CCDC178: variants seen among roughly 807,000 people sequenced by gnomAD.
CCDC178 encodes coiled-coil domain containing 178.
A neutral mutation model predicts 117.4 loss-of-function variants in CCDC178; 126 were observed. The observed-to-expected ratio is 1.07, with a 90% confidence interval of 0.93 to 1.24. The LOEUF is 1.24. CCDC178 is among the 50% of genes most tolerant of loss of function. The probability of loss-of-function intolerance (pLI) is 0.00; values close to 1 mark genes in which losing one functional copy is unlikely to be tolerated. For synonymous variants in CCDC178, 283 were observed against 313.4 expected (o/e 0.90, Z 1.02); for missense variants, 1,030 against 986.9 (o/e 1.04, Z -0.59).
intron 14 of CCDC178, 86 bp from the exon 15 acceptor site, chr18:33,245,514 T>C (rs2059539842): frequency 2.4e-6 from 3 of 1,231,266 alleles, no homozygotes; most frequent in Non-Finnish European, 3.2e-6. Context: ...TAAGATCATA[T>C]TTTATGTTGT....
rs192818096 is a variant in CCDC178, at chr18:33,003,711, C to T, written c.2389-29030G>A. On this transcript the variant is annotated intron_variant, in intron 21 of 22. Transcript: ENST00000383096. ...AATGAGACGAGAAAGAAATAAAGGG[C>T]ACTCAAATTAGAAAGGAAGAAGTGA... 5.9e-5 allele frequency among the ~76,000 whole-genome samples: 9 copies of T among 152,076 alleles called. No homozygotes were observed. In the East Asian group the frequency reaches 1.5e-3, roughly 26 times the overall value.
chr18:33,398,489 T>C (rs2144853015), intron 3 of CCDC178, among the ~76,000 whole-genome samples: 1 of 152,328 alleles, frequency 6.6e-6, no homozygotes, highest in African/African-American at 2.4e-5. Context: ...AAGTTCAGCA[T>C]TCATAATGAT....
At chr18:33,397,395 G>GC (rs1333280906) in intron 3 of CCDC178, among the ~76,000 whole-genome samples, 187 bp from the exon 4 acceptor site, 6 of 152,078 alleles carry the variant, frequency 3.9e-5, no homozygotes, top group African/African-American at 1.4e-4. Flanking sequence ...GTGTTTCTCT[G>GC]CAAAAGGGCA....
intron 21 of CCDC178, among the ~76,000 whole-genome samples, chr18:33,081,818 CTG>C (rs1329514910): frequency 2.0e-5 from 3 of 152,016 alleles, no homozygotes; most frequent in African/African-American, 7.2e-5. Flanking sequence ...AATGTATTGC[CTG>C]TGTGTGTTTT....
intron 2 of CCDC178, among the ~76,000 whole-genome samples, chr18:33,426,553 C>CA (rs2064127929): frequency 6.6e-6 from 1 of 152,234 alleles, no homozygotes; most frequent in African/African-American, 2.4e-5. Flanking sequence ...GTCATTAAGA[C>CA]AAGCCATCTG....
At chr18:33,257,492 C>T (rs570936718) in intron 14 of CCDC178, among the ~76,000 whole-genome samples, 16 of 152,046 alleles carry the variant, frequency 1.1e-4, no homozygotes, top group Non-Finnish European at 2.1e-4. Context: ...TTCTTCCACC[C>T]ATATTTTCAG....
chr18:33,150,567 T>C (rs903287511), intron 20 of CCDC178, among the ~76,000 whole-genome samples: 3 of 152,074 alleles, frequency 2.0e-5, no homozygotes, highest in Non-Finnish European at 4.4e-5. Flanking sequence ...TCAAAGGACA[T>C]GAATAGCCAA....
intron 21 of CCDC178, among the ~76,000 whole-genome samples, chr18:32,994,512 CT>C (rs1470474748): frequency 6.6e-6 from 1 of 152,064 alleles, no homozygotes; most frequent in Non-Finnish European, 1.5e-5. Flanking sequence ...TCCACTTTGC[CT>C]TTGAAATGAA....
At chr18:33,290,344 T>C (rs2060151711) in intron 12 of CCDC178, among the ~76,000 whole-genome samples, 1 of 152,182 alleles carries the variant, frequency 6.6e-6, no homozygotes, top group African/African-American at 2.4e-5. Flanking sequence ...TTTTTAAAAA[T>C]AACTTTAACA....
chr18:33,331,365 C>G (rs1005475640), intron 10 of CCDC178, among the ~76,000 whole-genome samples: 2 of 152,034 alleles, frequency 1.3e-5, no homozygotes, highest in African/African-American at 4.8e-5. Flanking sequence ...TCCTTTTGCT[C>G]TTCAGCCATC....
intron 2 of CCDC178, among the ~76,000 whole-genome samples, chr18:33,437,069 G>GAC (rs1322095396): frequency 6.6e-6 from 1 of 152,146 alleles, no homozygotes; most frequent in African/African-American, 2.4e-5. Flanking sequence ...TTAAGCAATG[G>GAC]AACACTTAAG....
chr18:33,373,915 TA>T (rs1209387783), intron 5 of CCDC178, among the ~76,000 whole-genome samples: 1 of 152,154 alleles, frequency 6.6e-6, no homozygotes, highest in African/African-American at 2.4e-5. Flanking sequence ...GTTCTCCAGT[TA>T]TAAGCAACTC....
At chr18:33,255,208 C>T (rs1468847535) in intron 14 of CCDC178, among the ~76,000 whole-genome samples, 1 of 152,008 alleles carries the variant, frequency 6.6e-6, no homozygotes, top group Non-Finnish European at 1.5e-5. Flanking sequence ...CCTTGAACTT[C>T]CAAGCCTGCA....
chr18:33,003,759 A>G (rs1198805005), intron 21 of CCDC178, among the ~76,000 whole-genome samples: 2 of 152,146 alleles, frequency 1.3e-5, no homozygotes, highest in African/African-American at 4.8e-5. Context: ...TGCAGATAAT[A>G]TAATCTTATA....
At chr18:33,371,782 TATACACAC>T (rs764632338) in intron 5 of CCDC178, among the ~76,000 whole-genome samples, 215 of 53,620 alleles carry the variant, frequency 4.0e-3, no homozygotes, top group Admixed American at 0.014. Context: ...CATAAACATA[TATACACAC>T]ACACACACAC....
At chr18:33,317,785 C>T (rs2062440708) in intron 11 of CCDC178, among the ~76,000 whole-genome samples, 1 of 152,116 alleles carries the variant, frequency 6.6e-6, no homozygotes, top group Admixed American at 6.5e-5. Context: ...AATTTCTACC[C>T]TGCCTTAACT....
At chr18:33,328,594 A>G (rs1258324757) in intron 10 of CCDC178, among the ~76,000 whole-genome samples, 1 of 152,074 alleles carries the variant, frequency 6.6e-6, no homozygotes, top group African/African-American at 2.4e-5. Context: ...TTGTTCTTGC[A>G]CCTTGTTAAA....
chr18:33,336,592 T>C (rs557755927), intron 9 of CCDC178, among the ~76,000 whole-genome samples: 24 of 152,104 alleles, frequency 1.6e-4, no homozygotes, highest in Non-Finnish European at 2.2e-4. Flanking sequence ...ATGAACACCC[T>C]ATTCTCAAAA....
intron 21 of CCDC178, among the ~76,000 whole-genome samples, chr18:33,047,383 T>G (rs2056663433): frequency 6.6e-6 from 1 of 152,208 alleles, no homozygotes; most frequent in South Asian, 2.1e-4. Context: ...AGCCTATTTT[T>G]GGCGGGTTTC....
Sources: allele counts gnomAD v4.1 joint callset (sites outside exome capture counted in the v4.1 genomes callset), GRCh38; gene constraint gnomAD v4.1.1; transcripts MANE v1.5; gene names NCBI Gene and HGNC (gene_info 2026-07-23, HGNC 2026-07-21).